Variants in PGAP1 observed in about 807,000 individuals in gnomAD.
PGAP1 encodes the protein GPI inositol-deacylase.
PGAP1 carries 76 observed loss-of-function variants against 127.0 expected under a neutral mutation model. That is an observed-to-expected ratio of 0.60 (90% CI 0.50 to 0.72). The LOEUF (loss-of-function observed/expected upper bound fraction) is 0.72, where lower values mean the gene tolerates loss of function less well. Ranked by LOEUF, PGAP1 falls within the 30% of genes least tolerant of loss-of-function variation. The pLI, the probability that PGAP1 is intolerant of heterozygous loss-of-function variation, is 0.00. For missense variants in PGAP1, 982 were observed against 1,071.3 expected, an observed-to-expected ratio of 0.92 and a Z score of 1.16; for synonymous variants, 362 against 366.5, an observed-to-expected ratio of 0.99 and a Z score of 0.14.
chr2:196,922,613 C>CACACA (rs1290542831), intron 1 of PGAP1: 1 of 723,344 alleles, frequency 1.4e-6, no homozygotes, highest in African/African-American at 2.0e-5. Context: ...CACACACACA[C>CACACA]ACAACAAAGC....
intron 20 of PGAP1, among the ~76,000 whole-genome samples, chr2:196,852,414 C>T (rs920095202): frequency 4.6e-5 from 7 of 151,842 alleles, no homozygotes; most frequent in Admixed American, 1.3e-4. Context: ...CTATTAAATA[C>T]TAATAAGTGA....
chr2:196,875,808 C>G lies in PGAP1; in HGVS notation c.1364G>C (p.Cys455Ser). ...SVRGSKFVVD[C>S]EFFKKEKRYI... Reference sequence around the variant, plus strand: ...TCTTTTCTCTTTTTTAAAGAATTCACAATCTACAACAAACTGAAATATAAA... The same window carrying G: ...TCTTTTCTCTTTTTTAAAGAATTCAGAATCTACAACAAACTGAAATATAAA... The change falls in exon 14 of 27, where the codon TGT (cysteine) becomes TCT (serine). Residue 455 changes from cysteine (C) to serine (S), a missense_variant. Transcript: ENST00000354764. 1 of 1,463,574 alleles carries G rather than the reference C, an allele frequency of 6.8e-7. No homozygotes were observed. Among genetic ancestry groups the G allele is most frequent in the Non-Finnish European group, 9.5e-7 (1 of 1,051,194 alleles). The allele number at this position is 1,463,574 out of a possible 1,614,324, so 90.7% of individuals were successfully genotyped here. A position where few individuals can be genotyped will look rare whatever the true frequency, so the allele number is the denominator to read the frequency against.
intron 12 of PGAP1, among the ~76,000 whole-genome samples, chr2:196,882,072 G>A (rs1035352493): frequency 3.9e-5 from 6 of 152,124 alleles, no homozygotes; most frequent in Non-Finnish European, 8.8e-5. Flanking sequence ...CATAAGGCTA[G>A]GCAGTTATCC....
At chr2:196,891,332 G>A (rs1046240932) in intron 9 of PGAP1, among the ~76,000 whole-genome samples, 15 of 152,162 alleles carry the variant, frequency 9.9e-5, no homozygotes, top group East Asian at 1.9e-4. Context: ...GCTGATTCAC[G>A]GTTTGGGGCA....
intron 24 of PGAP1, 22 bp downstream of exon 24, chr2:196,844,502 G>C (rs1405281299): frequency 4.6e-6 from 7 of 1,532,728 alleles, no homozygotes; most frequent in Middle Eastern, 3.9e-4. Flanking sequence ...AATTTATGTA[G>C]AGTTTTGAAA....
Position 196,867,196 on chromosome 2 carries a change from C to T in PGAP1, c.1768-2116G>A, listed in dbSNP as rs1461856099. On this transcript the variant is annotated intron_variant, in intron 19 of 26. Transcript: ENST00000354764. ...GACACATGCACACATATGTTTACTG[C>T]GGCACTGTTCACAATAGCAAAGACT... Among the ~76,000 whole-genome samples the T allele has an allele frequency of 3.3e-5, 5 of 152,052 alleles. No homozygotes were observed. The South Asian group carries it at 8.3e-4, about 25-fold the overall frequency.
In PGAP1 at chr2:196,872,947, T is replaced by C; in HGVS notation, c.1619+13A>G. ...AACACCAAAGTTTAAAGTAAATTCT[T>C]TCAAATACTTACTGTGCAATGGTTA... On this transcript the variant is annotated intron_variant, in intron 17 of 26. Coordinates refer to ENST00000354764, the MANE Select transcript of PGAP1 (RefSeq NM_024989.4). 1.1e-6 allele frequency: 1 copy of C among 898,744 alleles called. No individual in the cohort carries two copies. Among genetic ancestry groups the C allele is most frequent in the Non-Finnish European group, 1.8e-6 (1 of 568,056 alleles). 55.7% of individuals were successfully genotyped at this position (898,744 alleles called of 1,614,324 possible). A position where few individuals can be genotyped will look rare whatever the true frequency, so the allele number is the denominator to read the frequency against.
chr2:196,843,457 T>A (rs921790664), intron 25 of PGAP1, among the ~76,000 whole-genome samples: 1 of 152,246 alleles, frequency 6.6e-6, no homozygotes, highest in African/African-American at 2.4e-5. Flanking sequence ...AAGTTTTATA[T>A]CATTTTTGAA....
chr2:196,860,885 T>A (rs1236928507), intron 20 of PGAP1, among the ~76,000 whole-genome samples: 2 of 151,924 alleles, frequency 1.3e-5, no homozygotes, highest in Admixed American at 6.5e-5. Flanking sequence ...GCAAAAAAAG[T>A]CCTGAGCAAA....
At position 196,873,369 on chromosome 2, in the gene PGAP1, T is replaced by C. The variant is rs184837168; in HGVS notation, c.1552+159A>G. 2.0e-5 allele frequency among the ~76,000 whole-genome samples: 3 copies of C among 152,218 alleles called. No homozygotes were observed. In the East Asian group the frequency reaches 5.8e-4, roughly 29 times the overall value. On this transcript the variant is annotated intron_variant, in intron 16 of 26. Transcript: ENST00000354764. ...CTTTACTGTTAAGAAAGGGTCTATG[T>C]TAAATCCCCTGGAAATATAAACAAC...
intron 17 of PGAP1, 173 bp downstream of exon 17, chr2:196,872,787 C>T (rs967471519): frequency 1.8e-6 from 1 of 557,170 alleles, no homozygotes; most frequent in African/African-American, 1.9e-5. Context: ...AGTTTAAGTT[C>T]TCTATCATTT....
At chr2:196,887,076 T>C (rs530263357) in intron 10 of PGAP1, among the ~76,000 whole-genome samples, 22 of 152,304 alleles carry the variant, frequency 1.4e-4, no homozygotes, top group African/African-American at 5.1e-4. Flanking sequence ...GCTGCAGAGA[T>C]GATTGTGACA....
chr2:196,903,432 G>A (rs1225327465), intron 4 of PGAP1, among the ~76,000 whole-genome samples: 7 of 151,550 alleles, frequency 4.6e-5, no homozygotes, highest in South Asian at 4.2e-4. Flanking sequence ...ATGGTGGTGC[G>A]CACCTGTAGT....
At chr2:196,916,626 C>T (rs1235790392) in intron 2 of PGAP1, 33 bp from the exon 3 acceptor site, 1 of 1,545,050 alleles carries the variant, frequency 6.5e-7, no homozygotes, top group Non-Finnish European at 8.7e-7. Context: ...GCACATTAAA[C>T]AATATTTACA....
chr2:196,902,512 A>G lies in PGAP1; in HGVS notation c.807+73T>C, dbSNP rs539064597. The G allele has an allele frequency of 5.4e-5, 70 of 1,305,112 alleles. No individual in the cohort carries two copies. The East Asian group carries it at 1.4e-3, about 26-fold the overall frequency. The allele number at this position is 1,305,112 out of a possible 1,614,324, so 80.8% of individuals were successfully genotyped here. ...TCAGCAGTCATTACCATGCAGCTAT[A>G]TATTATTTCTTCTTTCATGCTCCAC... On this transcript the variant is annotated intron_variant, in intron 5 of 26. Coordinates refer to ENST00000354764, the MANE Select transcript of PGAP1 (RefSeq NM_024989.4).
intron 13 of PGAP1, 83 bp from the exon 14 acceptor site, chr2:196,875,904 T>C (rs1359604644): frequency 2.9e-6 from 2 of 692,950 alleles, no homozygotes; most frequent in Non-Finnish European, 5.0e-6. Context: ...GAGTGGAAAA[T>C]AAAAGTCTAT....
At chr2:196,903,101 A>G (rs1702551299) in intron 4 of PGAP1, among the ~76,000 whole-genome samples, 4 of 152,192 alleles carry the variant, frequency 2.6e-5, no homozygotes, top group African/African-American at 7.2e-5. Context: ...TCTTCGAAAG[A>G]TAAGAATTTA....
intron 7 of PGAP1, 105 bp downstream of exon 7, chr2:196,897,026 T>C (rs1202672888): frequency 3.1e-6 from 2 of 637,218 alleles, no homozygotes; most frequent in Non-Finnish European, 5.3e-6. Flanking sequence ...TATATGCTTC[T>C]ATTTTCATCA....
At chr2:196,852,037 A>G (rs1485939989) in intron 20 of PGAP1, among the ~76,000 whole-genome samples, 1 of 152,180 alleles carries the variant, frequency 6.6e-6, no homozygotes, top group Non-Finnish European at 1.5e-5. Context: ...AGCCTTAATT[A>G]CATATAGGGG....
Sources: gnomAD v4.1 joint callset for allele counts (sites outside exome capture counted in the v4.1 genomes callset) on GRCh38, gnomAD v4.1.1 for gene constraint, MANE v1.5 for transcripts, NCBI Gene and HGNC (gene_info 2026-07-23, HGNC 2026-07-21) for gene names.